The following ENPP2 variants were observed in gnomAD, a reference collection of about 807,000 sequenced individuals.
ENPP2 encodes autotaxin.
ENPP2 carries 51 observed loss-of-function variants against 120.2 expected under a neutral mutation model. That is an observed-to-expected ratio of 0.42 (90% CI 0.34 to 0.54). The LOEUF (loss-of-function observed/expected upper bound fraction) is 0.54. Ranked by LOEUF, ENPP2 falls within the 20% of genes least tolerant of loss-of-function variation. ENPP2 has a pLI of 0.04. For synonymous variants in ENPP2, 365 were observed against 366.4 expected, an observed-to-expected ratio of 1.00 and a Z score of 0.04; for missense variants, 920 against 1,066.5, an observed-to-expected ratio of 0.86 and a Z score of 1.91.
intron 3 of ENPP2, among the ~76,000 whole-genome samples, chr8:119,624,469 G>A (rs911679837): frequency 1.3e-5 from 2 of 151,992 alleles, no homozygotes; most frequent in African/African-American, 4.8e-5. Context: ...ATTTAGTAAT[G>A]TATATTTAAA....
At chr8:119,617,647 T>C in intron 5 of ENPP2, 84 bp from the exon 6 acceptor site, 1 of 976,562 alleles carries the variant, frequency 1.0e-6, no homozygotes, top group East Asian at 2.6e-5. Flanking sequence ...ATGGGAGCAA[T>C]AATTTCCAAG....
intron 24 of ENPP2, among the ~76,000 whole-genome samples, chr8:119,560,296 T>A (rs1813829556): frequency 6.6e-6 from 1 of 152,196 alleles, no homozygotes; most frequent in African/African-American, 2.4e-5. Context: ...CTAATAAGAC[T>A]GAAGCTCAGA....
chr8:119,579,612 C>T (rs1024255991), intron 19 of ENPP2, among the ~76,000 whole-genome samples: 3 of 151,164 alleles, frequency 2.0e-5, no homozygotes, highest in East Asian at 1.9e-4. Context: ...TTCACTAATA[C>T]GTGCTCGTTA....
intron 11 of ENPP2, among the ~76,000 whole-genome samples, chr8:119,597,029 T>C (rs1324440771): frequency 1.3e-5 from 2 of 152,000 alleles, no homozygotes; most frequent in East Asian, 3.9e-4. Flanking sequence ...GCCATTCAGA[T>C]GCAGGAAGGG....
chr8:119,591,820 A>C (rs148346413), intron 12 of ENPP2, among the ~76,000 whole-genome samples: 1 of 152,324 alleles, frequency 6.6e-6, no homozygotes, highest in African/African-American at 2.4e-5. Context: ...AAAATAGAGC[A>C]ATGAAGAGCT....
chr8:119,672,758 G>C (rs1818288442), intron 1 of ENPP2, among the ~76,000 whole-genome samples: 2 of 152,238 alleles, frequency 1.3e-5, no homozygotes, highest in Non-Finnish European at 2.9e-5. Flanking sequence ...CTCCTTCAGG[G>C]AGATGATTCT....
At chr8:119,611,273 C>CTAGTCT (rs1474435038) in intron 8 of ENPP2, among the ~76,000 whole-genome samples, 2 of 152,236 alleles carry the variant, frequency 1.3e-5, no homozygotes, top group Admixed American at 1.3e-4. Context: ...GTCTTTCTAG[C>CTAGTCT]AGTTCCTCGA....
At chr8:119,663,596 G>A (rs1817987747) in intron 1 of ENPP2, among the ~76,000 whole-genome samples, 1 of 152,064 alleles carries the variant, frequency 6.6e-6, no homozygotes, top group Non-Finnish European at 1.5e-5. Flanking sequence ...TTGCATAACA[G>A]GGATAACCTA....
At chr8:119,617,621 C>T (rs1429688612) in intron 5 of ENPP2, 58 bp from the exon 6 acceptor site, 1 of 1,176,134 alleles carries the variant, frequency 8.5e-7, no homozygotes, top group African/African-American at 1.5e-5. Flanking sequence ...GCCATTACGC[C>T]TAGTGATTCT....
At chr8:119,630,649 C>T (rs1056536108) in intron 2 of ENPP2, among the ~76,000 whole-genome samples, 2 of 152,146 alleles carry the variant, frequency 1.3e-5, no homozygotes, top group African/African-American at 4.8e-5. Context: ...TAGCCTTACA[C>T]TCATAATGCC....
chr8:119,595,886 A>C lies in ENPP2; in HGVS notation c.973-2026T>G, dbSNP rs750515647. 4.3e-6 allele frequency: 7 copies of C among 1,613,820 alleles called. No individual in the cohort carries two copies. The African/African-American group carries it at 9.3e-5, about 22-fold the overall frequency. ...TTTCCGCAGCATAATGATCCATCCT[A>C]TGTATTTTTCTTCTTCTTTTCTTTG... On this transcript the variant is annotated intron_variant, in intron 11 of 24. Transcript: ENST00000075322.
At chr8:119,593,676 G>T in intron 12 of ENPP2, 76 bp downstream of exon 12, 1 of 928,544 alleles carries the variant, frequency 1.1e-6, no homozygotes, top group Non-Finnish European at 1.8e-6. Flanking sequence ...GCTTCTAAGG[G>T]CAAGGATTCT....
At chr8:119,640,655 G>T (rs549386015), upstream of ENPP2, among the ~76,000 whole-genome samples, 1 of 152,148 alleles carries the variant, frequency 6.6e-6, no homozygotes, top group Non-Finnish European at 1.5e-5. Flanking sequence ...CTGGGCAGGG[G>T]GAAAAGCTGT....
intron 9 of ENPP2, among the ~76,000 whole-genome samples, chr8:119,607,631 C>A (rs921075524): frequency 1.3e-5 from 2 of 150,460 alleles, no homozygotes; most frequent in South Asian, 2.1e-4. Context: ...GCCAAGATTG[C>A]GCCACTGCAC....
rs146815172 is a variant in ENPP2, at chr8:119,617,224, A to T, written c.597T>A (p.Ser199=). ...IEKLRSCGTH[S]PYMRPVYPTK... ...TTGGGTACACCGGCCTCATGTAGGG[A>T]GAGTGTGTGCCACAAGACCCTGGAA... The change falls in exon 7 of 25, where the codon TCT becomes TCA. Residue 199 remains serine, a synonymous_variant. Coordinates refer to ENST00000075322, the MANE Select transcript of ENPP2 (RefSeq NM_001040092.3). 7 of 1,613,296 alleles carry T rather than the reference A, an allele frequency of 4.3e-6. No homozygotes were observed. In the Admixed American group the frequency reaches 6.7e-5, roughly 15 times the overall value.
rs146606740 is a variant in ENPP2, at chr8:119,583,915, G to C, written c.1455+47C>G. On this transcript the variant is annotated intron_variant, in intron 16 of 24. Transcript: ENST00000075322. ...TCACACCACCATTACTTATCCTTTCGAAGAACCACTAAAACACAATTTCAA... is the reference window on the plus strand; with the variant it reads ...TCACACCACCATTACTTATCCTTTCCAAGAACCACTAAAACACAATTTCAA... 2.7e-4 allele frequency: 411 copies of C among 1,495,252 alleles called. 1 individual carries two copies. Among genetic ancestry groups the C allele is most frequent in the South Asian group, 7.5e-4 (66 of 88,528 alleles). 92.6% of individuals were successfully genotyped at this position (1,495,252 alleles called of 1,614,324 possible).
chr8:119,590,162 T>A (rs147916445), intron 13 of ENPP2, among the ~76,000 whole-genome samples: 84 of 152,330 alleles, frequency 5.5e-4, no homozygotes, highest in African/African-American at 1.9e-3. Flanking sequence ...AAAATTCTTA[T>A]CTTATAAACT....
chr8:119,600,981 A>G (rs1587443650), intron 10 of ENPP2, among the ~76,000 whole-genome samples: 1 of 152,236 alleles, frequency 6.6e-6, no homozygotes, highest in Non-Finnish European at 1.5e-5. Flanking sequence ...GTCACAAAGG[A>G]AAACTTGAAC....
At chr8:119,577,969 G>A in intron 19 of ENPP2, among the ~76,000 whole-genome samples, 1 of 152,204 alleles carries the variant, frequency 6.6e-6, no homozygotes, top group Non-Finnish European at 1.5e-5. Context: ...TTATAGCCCT[G>A]AGAGTCAGTG....
Sources: allele counts gnomAD v4.1 joint callset (sites outside exome capture counted in the v4.1 genomes callset), GRCh38; gene constraint gnomAD v4.1.1; transcripts MANE v1.5; gene names NCBI Gene and HGNC (gene_info 2026-07-23, HGNC 2026-07-21).